ADARB1: variants seen among roughly 807,000 people sequenced by gnomAD.
The protein encoded by ADARB1 is double-stranded RNA-specific editase 1.
In ADARB1, 10 loss-of-function variants were observed where a neutral mutation model predicts 52.4. The observed-to-expected ratio is 0.19, with a 90% CI of 0.12 to 0.32. ADARB1 has a LOEUF of 0.32. Among genes scored for constraint, ADARB1 ranks in the 10% least tolerant of loss-of-function variants. The pLI, the probability that ADARB1 is intolerant of heterozygous loss-of-function variation, is 1.00. For synonymous variants in ADARB1, 349 were observed against 371.1 expected, an observed-to-expected ratio of 0.94 and a Z score of 0.68; for missense variants, 643 against 922.3, an observed-to-expected ratio of 0.70 and a Z score of 3.92.
chr21:45,114,276 A>C (rs423726), intron 1 of ADARB1, among the ~76,000 whole-genome samples: 130,744 of 152,194 alleles, frequency 0.86, 56,362 homozygotes, highest in Non-Finnish European at 0.9. Flanking sequence ...GTGTCAAGTC[A>C]GGACACATGT....
chr21:45,164,975 G>A (rs1164894369), intron 2 of ADARB1, among the ~76,000 whole-genome samples: 1 of 152,120 alleles, frequency 6.6e-6, no homozygotes, highest in Admixed American at 6.5e-5. Flanking sequence ...ATGTGCATTG[G>A]TACACCTGCT....
intron 2 of ADARB1, among the ~76,000 whole-genome samples, chr21:45,167,388 A>G (rs1197876306): frequency 1.3e-5 from 2 of 152,216 alleles, no homozygotes; most frequent in Non-Finnish European, 1.5e-5. Flanking sequence ...CAGGCAAACC[A>G]ATTATTGATT....
intron 7 of ADARB1, chr21:45,184,412 T>C (rs1321675537): frequency 5.6e-6 from 1 of 179,672 alleles, no homozygotes; most frequent in Non-Finnish European, 1.2e-5. Context: ...TTGTGAATTT[T>C]GTTTGTGTTA....
intron 2 of ADARB1, among the ~76,000 whole-genome samples, chr21:45,138,816 C>G (rs2089537949): frequency 6.6e-6 from 1 of 152,102 alleles, no homozygotes; most frequent in African/African-American, 2.4e-5. Flanking sequence ...CCTGTGGGCC[C>G]TGGGCGGCCT....
At chr21:45,154,887 G>A (rs896010394) in intron 2 of ADARB1, among the ~76,000 whole-genome samples, 9 of 152,192 alleles carry the variant, frequency 5.9e-5, no homozygotes, top group Admixed American at 5.2e-4. Context: ...TATATGGAGC[G>A]CTTCCTGCAC....
intron 1 of ADARB1, among the ~76,000 whole-genome samples, chr21:45,085,777 C>T (rs1055961916): frequency 6.6e-6 from 1 of 152,192 alleles, no homozygotes; most frequent in African/African-American, 2.4e-5. Flanking sequence ...TTTTATCCCT[C>T]TAATGAAACT....
At chr21:45,218,425 A>G (rs1359222804) in intron 9 of ADARB1, among the ~76,000 whole-genome samples, 2 of 152,170 alleles carry the variant, frequency 1.3e-5, no homozygotes, top group African/African-American at 4.8e-5. Context: ...TATCTTCTAT[A>G]TGTGAATGTC....
At chr21:45,160,455 C>G (rs381466) in intron 2 of ADARB1, among the ~76,000 whole-genome samples, 1 of 152,142 alleles carries the variant, frequency 6.6e-6, no homozygotes, top group African/African-American at 2.4e-5. Context: ...TTGTAACGCT[C>G]ACCATGCTCT....
intron 1 of ADARB1, among the ~76,000 whole-genome samples, chr21:45,088,165 A>G (rs1224773041): frequency 6.6e-6 from 1 of 152,208 alleles, no homozygotes; most frequent in Non-Finnish European, 1.5e-5. Flanking sequence ...TGGGTTAGTG[A>G]TACACCTACA....
rs567481017 is a variant in ADARB1, at chr21:45,096,689, C to T, written c.-220+21896C>T. 2.6e-5 allele frequency among the ~76,000 whole-genome samples: 4 copies of T among 152,368 alleles called. No individual in the cohort carries two copies. The South Asian group carries it at 8.3e-4, about 32-fold the overall frequency. On this transcript the variant is annotated intron_variant, in intron 1 of 10. Coordinates refer to ENST00000348831, the MANE Select transcript of ADARB1 (RefSeq NM_001112.4). ...CCCATCATTGTCACCCAGAAGTGCT[C>T]CTGAGAGATGAGGGAACCTCTGGGG...
At position 45,176,710 on chromosome 21, in the gene ADARB1, G is replaced by C; in HGVS notation, c.963+46G>C. 3 of 1,529,296 alleles carry C rather than the reference G, an allele frequency of 2.0e-6. No homozygotes were observed. In the South Asian group the frequency reaches 3.8e-5, roughly 19 times the overall value. The allele number at this position is 1,529,296 out of a possible 1,614,324, so 94.7% of individuals were successfully genotyped here. On this transcript the variant is annotated intron_variant, in intron 4 of 10. Coordinates refer to ENST00000348831, the MANE Select transcript of ADARB1 (RefSeq NM_001112.4). This position sits in a 1 kb window ranked among gnomAD's most constrained non-coding sequence, Gnocchi z 5.8. ...TTTAAAACACGGGGTCATTGCTCTT[G>C]GTAATGCTTCTAGACAGCATTTTAG...
chr21:45,183,563 T>G (rs1005682770), intron 7 of ADARB1, 53 bp downstream of exon 7: 2 of 1,589,274 alleles, frequency 1.3e-6, no homozygotes, highest in Middle Eastern at 3.3e-4. Context: ...TGTTAACAGA[T>G]AAAAACTAAC....
In ADARB1 at chr21:45,113,135, G is replaced by A. The variant is rs561165336; in HGVS notation, c.-219-15267G>A. ...TGTGATAGTGAATTTTAAAATATTG[G>A]TTGAAATGGCCAGGCTCGGTGGCTC... On this transcript the variant is annotated intron_variant, in intron 1 of 10. Coordinates refer to ENST00000348831, the MANE Select transcript of ADARB1 (RefSeq NM_001112.4). Among the ~76,000 whole-genome samples the A allele has an allele frequency of 9.9e-5, 15 of 152,202 alleles. 1 individual carries two copies. In the South Asian group the frequency reaches 3.1e-3, roughly 32 times the overall value.
intron 4 of ADARB1, among the ~76,000 whole-genome samples, chr21:45,179,512 A>G (rs1324079520): frequency 1.3e-5 from 2 of 152,228 alleles, no homozygotes; most frequent in African/African-American, 4.8e-5. Context: ...GGCTCATTAT[A>G]TCCAAGATAA....
chr21:45,177,694 C>A (rs2091759767), intron 4 of ADARB1: 1 of 152,116 alleles, frequency 6.6e-6, no homozygotes, highest in South Asian at 2.1e-4. Context: ...GGCTTGTGTT[C>A]CCCTGGAAGA....
chr21:45,099,491 C>CCTAT (rs1206323843), intron 1 of ADARB1, among the ~76,000 whole-genome samples: 1 of 137,432 alleles, frequency 7.3e-6, no homozygotes, highest in African/African-American at 2.7e-5. Flanking sequence ...ATGGTGAAAC[C>CCTAT]CTATCTCTAC....
intron 1 of ADARB1, among the ~76,000 whole-genome samples, chr21:45,085,602 T>G (rs1436863107): frequency 6.6e-6 from 1 of 152,228 alleles, no homozygotes; most frequent in African/African-American, 2.4e-5. Context: ...TATGTATGTA[T>G]GTACCCAGGA....
intron 1 of ADARB1, among the ~76,000 whole-genome samples, chr21:45,075,187 G>A (rs2085871813): frequency 6.6e-6 from 1 of 151,706 alleles, no homozygotes; most frequent in Non-Finnish European, 1.5e-5. Flanking sequence ...CTGCGCTGGG[G>A]ACGAGGCTGC....
Position 45,224,970 on chromosome 21 carries a change from A to G in ADARB1, c.*2773A>G. On this transcript the variant is annotated 3_prime_UTR_variant, in exon 11 of 11. Coordinates refer to ENST00000348831, the MANE Select transcript of ADARB1 (RefSeq NM_001112.4). The stretch of plus-strand genomic sequence containing the variant: ...CCAGTGTCCTTGATGTGGCTTTTAG[A>G]GACTTAGCAGAAAATTCGACACAAG... The G allele has an allele frequency of 2.0e-6, 2 of 985,334 alleles. No homozygotes were observed. The highest frequency in any genetic ancestry group is 1.1e-4 in the East Asian group (1 of 8,826). The allele number at this position is 985,334 out of a possible 1,614,324, so 61.0% of individuals were successfully genotyped here.
Sources: gnomAD v4.1 joint callset for allele counts (sites outside exome capture counted in the v4.1 genomes callset) on GRCh38, gnomAD v4.1.1 for gene constraint, Gnocchi (gnomAD v3.1) non-coding constraint, MANE v1.5 for transcripts, NCBI Gene and HGNC (gene_info 2026-07-23, HGNC 2026-07-21) for gene names.